LRRK2: variants seen among roughly 807,000 people sequenced by gnomAD.
The protein encoded by LRRK2 is leucine rich repeat kinase 2.
A neutral mutation model predicts 302.6 loss-of-function variants in LRRK2; 203 were observed. The observed-to-expected ratio is 0.67, with a 90% CI of 0.60 to 0.75. LRRK2 has a LOEUF of 0.75. Among genes scored for constraint, LRRK2 ranks in the 30% least tolerant of loss-of-function variants. The pLI, the probability that LRRK2 is intolerant of heterozygous loss-of-function variation, is 0.00. For synonymous variants in LRRK2, 1,066 were observed against 1,031.9 expected, an observed-to-expected ratio of 1.03 and a Z score of -0.63; for missense variants, 2,830 against 2,951.0, an observed-to-expected ratio of 0.96 and a Z score of 0.95.
intron 20 of LRRK2, among the ~76,000 whole-genome samples, chr12:40,292,904 A>C (rs1247105831): frequency 6.6e-6 from 1 of 152,022 alleles, no homozygotes; most frequent in African/African-American, 2.4e-5. Context: ...TTGCCAGCCA[A>C]ATTTATTGTG....
At chr12:40,253,052 C>T in intron 11 of LRRK2, 36 bp downstream of exon 11, 2 of 1,365,384 alleles carry the variant, frequency 1.5e-6, no homozygotes, top group Non-Finnish European at 2.1e-6. Context: ...TAAAGGGAAA[C>T]ACATTTTTGT....
intron 29 of LRRK2, 92 bp from the exon 30 acceptor site, chr12:40,309,010 TAATA>T: frequency 7.5e-7 from 1 of 1,332,872 alleles, no homozygotes; most frequent in Non-Finnish European, 1.1e-6. Flanking sequence ...GTATGCTAAA[TAATA>T]AATAGTATTA....
In LRRK2 at chr12:40,335,114, A is replaced by G; in HGVS notation, c.5905A>G (p.Thr1969Ala). ...GCAGGACAAAGCCAGCCTCACTAGA[A>G]CCCTACAGCACAGGATTGCACTCCA... The part of the protein sequence containing the change: ...LQQDKASLTR[T>A]LQHRIALHVA... Residue 1969 changes from threonine (T) to alanine (A), a missense_variant, in exon 40 of 51, where the codon ACC (threonine) becomes GCC (alanine). Physicochemically the swap from Thr to Ala is moderately conservative, Grantham distance 58 (BLOSUM62 0). Coordinates refer to ENST00000298910, the MANE Select transcript of LRRK2 (RefSeq NM_198578.4). 6.2e-7 allele frequency: 1 copy of G among 1,613,936 alleles called. No homozygotes were observed. The highest frequency in any genetic ancestry group is 8.5e-7 in the Non-Finnish European group (1 of 1,179,958).
chr12:40,287,603 C>T (rs1335806493), intron 20 of LRRK2, 64 bp downstream of exon 20: 27 of 1,516,192 alleles, frequency 1.8e-5, no homozygotes, highest in Non-Finnish European at 2.4e-5. Flanking sequence ...AACAATAGGA[C>T]CCAAGACAAA....
intron 2 of LRRK2, among the ~76,000 whole-genome samples, chr12:40,226,205 C>A (rs17465744): frequency 6.6e-6 from 1 of 152,232 alleles, no homozygotes; most frequent in East Asian, 1.9e-4. Flanking sequence ...ATATAAAATG[C>A]ATGTAGAAGT....
intron 32 of LRRK2, 105 bp downstream of exon 32, chr12:40,314,278 T>C: frequency 1.7e-6 from 2 of 1,165,648 alleles, no homozygotes; most frequent in Non-Finnish European, 2.5e-6. Flanking sequence ...AGAATATCCA[T>C]ACGGTTCTTT....
intron 24 of LRRK2, among the ~76,000 whole-genome samples, chr12:40,298,856 C>G (rs57891824): frequency 5.3e-5 from 4 of 75,454 alleles, no homozygotes; most frequent in South Asian, 4.9e-4. Context: ...TATATAATAC[C>G]TATATATTAT....
intron 45 of LRRK2, 136 bp from the exon 46 acceptor site, chr12:40,355,979 A>G: frequency 1.6e-6 from 1 of 634,516 alleles, no homozygotes. Flanking sequence ...TAAAGTAAAT[A>G]CTCTAAGAAA....
intron 19 of LRRK2, among the ~76,000 whole-genome samples, chr12:40,285,550 A>G (rs995515736): frequency 6.6e-6 from 1 of 152,062 alleles, no homozygotes; most frequent in Non-Finnish European, 1.5e-5. Flanking sequence ...ATATATGTAC[A>G]TACTTTTTTG....
At position 40,346,750 on chromosome 12, in the gene LRRK2, C is replaced by G. The variant is rs773354247; in HGVS notation, c.6110-3C>G. The G allele has an allele frequency of 3.1e-6, 5 of 1,613,630 alleles. No individual in the cohort carries two copies. The highest frequency in any genetic ancestry group is 4.2e-6 in the Non-Finnish European group (5 of 1,179,750). ...ATTTATTATTTTATCTGCTTACTTT[C>G]AGGGTTTCGTGCACCTGAAGTTGCC... is the stretch of plus-strand genomic sequence containing the variant. On this transcript the variant is annotated splice_region_variant and splice_polypyrimidine_tract_variant and intron_variant, in intron 41 of 50. Transcript: ENST00000298910.
At chr12:40,234,689 A>G (rs1239376619) in intron 3 of LRRK2, among the ~76,000 whole-genome samples, 1 of 152,026 alleles carries the variant, frequency 6.6e-6, no homozygotes, top group Non-Finnish European at 1.5e-5. Flanking sequence ...CTACTTTTTA[A>G]TATATCATTA....
chr12:40,331,923 C>T (rs1565757866), intron 39 of LRRK2, among the ~76,000 whole-genome samples: 1 of 152,106 alleles, frequency 6.6e-6, no homozygotes, highest in Non-Finnish European at 1.5e-5. Flanking sequence ...TGGCTTTTCC[C>T]ATTGTGATAA....
intron 20 of LRRK2, 87 bp downstream of exon 20, chr12:40,287,626 A>G: frequency 1.5e-6 from 2 of 1,328,354 alleles, no homozygotes; most frequent in Non-Finnish European, 2.1e-6. Flanking sequence ...CCTGACCTAA[A>G]TCATCTGGAA....
intron 19 of LRRK2, among the ~76,000 whole-genome samples, 187 bp from the exon 20 acceptor site, chr12:40,287,163 TG>T (rs975061274): frequency 2.0e-5 from 3 of 152,036 alleles, no homozygotes; most frequent in Non-Finnish European, 2.9e-5. Context: ...TACATGGTTA[TG>T]TTTTTTTAAA....
intron 21 of LRRK2, 68 bp from the exon 22 acceptor site, chr12:40,294,773 GTTCC>G: frequency 1.1e-6 from 1 of 883,500 alleles, no homozygotes; most frequent in South Asian, 1.5e-5. Flanking sequence ...AAATTTCATG[GTTCC>G]TTCCTTATAA....
intron 14 of LRRK2, among the ~76,000 whole-genome samples, chr12:40,266,580 G>A (rs1158641690): frequency 6.6e-6 from 1 of 152,160 alleles, no homozygotes; most frequent in African/African-American, 2.4e-5. Flanking sequence ...CAACCATTGT[G>A]GAAGACAGTG....
chr12:40,232,208 G>A, intron 2 of LRRK2, 66 bp from the exon 3 acceptor site: 3 of 1,132,198 alleles, frequency 2.6e-6, no homozygotes, highest in Non-Finnish European at 2.7e-6. Context: ...AGAGATTCAT[G>A]TTTGACTGAG....
At position 40,369,246 on chromosome 12, in the gene LRRK2, T is replaced by C. The variant is rs1283062091; in HGVS notation, c.*1481T>C. On this transcript the variant is annotated 3_prime_UTR_variant, in exon 51 of 51. Transcript: ENST00000298910. ...AGACAAATTAAAAAAATGAATACCA[T>C]ATTTAAATGGAATAATAAAGGTTTT... is the stretch of plus-strand genomic sequence containing the variant. 6.6e-6 allele frequency: 1 copy of C among 151,796 alleles called. No individual in the cohort carries two copies. Among genetic ancestry groups the C allele is most frequent in the Non-Finnish European group, 1.5e-5 (1 of 67,792 alleles). 9.4% of individuals were successfully genotyped at this position (151,796 alleles called of 1,614,324 possible). A position where few individuals can be genotyped will look rare whatever the true frequency, so the allele number is the denominator to read the frequency against.
chr12:40,363,761 A>G (rs181744432), intron 48 of LRRK2, among the ~76,000 whole-genome samples: 371 of 152,178 alleles, frequency 2.4e-3, no homozygotes, highest in African/African-American at 8.3e-3. Flanking sequence ...CATAATGTGC[A>G]TAGTTTTCTC....
Sources: allele counts gnomAD v4.1 joint callset (sites outside exome capture counted in the v4.1 genomes callset), GRCh38; gene constraint gnomAD v4.1.1; transcripts MANE v1.5; gene names NCBI Gene and HGNC (gene_info 2026-07-23, HGNC 2026-07-21).